The following ANKRD24 variants were observed in gnomAD, a reference collection of about 807,000 sequenced individuals.
ANKRD24 encodes the protein ankyrin repeat domain 24.
Under a neutral mutation model 127.8 loss-of-function variants are expected in ANKRD24, and 109 were observed. That is an observed-to-expected ratio of 0.85 (90% CI 0.73 to 1.00). The LOEUF (loss-of-function observed/expected upper bound fraction) is 1.00, where lower values mean the gene tolerates loss of function less well. Among genes scored for constraint, ANKRD24 ranks in the 50% least tolerant of loss-of-function variants. ANKRD24 has a pLI of 0.00. For synonymous variants in ANKRD24, 743 were observed against 671.1 expected (o/e 1.11, Z -1.66); for missense variants, 1,648 against 1,570.2 (o/e 1.05, Z -0.84).
chr19:4,202,968 G>T lies in ANKRD24; in HGVS notation c.466+42G>T, dbSNP rs574474370. The stretch of plus-strand genomic sequence containing the variant: ...CCTGCCCTGACCCCGAAGCCCAGAG[G>T]GTGCTAGACTTGGGGGTTATTCTGC... On this transcript the variant is annotated intron_variant, in intron 7 of 21. Coordinates refer to ENST00000318934, the MANE Select transcript of ANKRD24 (RefSeq NM_001393985.1). 6 of 1,506,628 alleles carry T rather than the reference G, an allele frequency of 4.0e-6. No homozygotes were observed. In the African/African-American group the frequency reaches 7.0e-5, roughly 18 times the overall value. The allele number at this position is 1,506,628 out of a possible 1,614,324, so 93.3% of individuals were successfully genotyped here.
In ANKRD24 at chr19:4,207,946, C is replaced by G; in HGVS notation, c.810C>G (p.Ala270=). The G allele has an allele frequency of 6.6e-7, 1 of 1,519,856 alleles. No individual in the cohort carries two copies. The highest frequency in any genetic ancestry group is 8.8e-7 in the Non-Finnish European group (1 of 1,136,496). The allele number at this position is 1,519,856 out of a possible 1,614,324, so 94.1% of individuals were successfully genotyped here. A position where few individuals can be genotyped will look rare whatever the true frequency, so the allele number is the denominator to read the frequency against. Reference sequence around the variant, plus strand: ...TCCTGCACCTTCTGCAAGAGGCGGCCCAGCGCCCCTCCCCACCCAGCGGTA... The same window carrying G: ...TCCTGCACCTTCTGCAAGAGGCGGCGCAGCGCCCCTCCCCACCCAGCGGTA... ...KLILHLLQEA[A]QRPSPPSALT... is the part of the protein sequence containing the mutation. The change falls in exon 10 of 22, where the codon GCC becomes GCG. Residue 270 remains alanine (A), a synonymous_variant. Coordinates refer to ENST00000318934, the MANE Select transcript of ANKRD24 (RefSeq NM_001393985.1).
chr19:4,214,168 ATTTC>A (rs780089924), intron 15 of ANKRD24, among the ~76,000 whole-genome samples: 6 of 145,908 alleles, frequency 4.1e-5, no homozygotes, highest in Non-Finnish European at 7.7e-5. Flanking sequence ...TGCAACAAAT[ATTTC>A]TTTTTTTTTT....
At position 4,207,983 on chromosome 19, in the gene ANKRD24, C is replaced by T. The variant is rs755823479; in HGVS notation, c.832+15C>T. The T allele has an allele frequency of 1.4e-6, 2 of 1,466,122 alleles. No individual in the cohort carries two copies. Among genetic ancestry groups the T allele is most frequent in the South Asian group, 1.5e-5 (1 of 67,278 alleles). 90.8% of individuals were successfully genotyped at this position (1,466,122 alleles called of 1,614,324 possible). A position where few individuals can be genotyped will look rare whatever the true frequency, so the allele number is the denominator to read the frequency against. Reference sequence around the variant, plus strand: ...CCCACCCAGCGGTATGCAAGCCCCACCTCCCCAATGCATTTGCTTCTTGGC... The same window carrying T: ...CCCACCCAGCGGTATGCAAGCCCCATCTCCCCAATGCATTTGCTTCTTGGC... On this transcript the variant is annotated intron_variant, in intron 10 of 21. Transcript: ENST00000318934.
At position 4,222,761 on chromosome 19, in the gene ANKRD24, G is replaced by A. The variant is rs920165871; in HGVS notation, c.3263G>A (p.Arg1088His). The part of the protein sequence containing the change: ...ALATPEVEAL[R>H]DQVKDLQQQL... The stretch of plus-strand genomic sequence containing the variant: ...GCCACCCCTGAGGTGGAGGCTCTCC[G>A]TGACCAGGTGAAGGATTTACAGCAG... The change falls in exon 20 of 22, where the codon CGT becomes CAT. Residue 1088 changes from arginine (R) to histidine (H), a missense_variant. Physicochemically the swap from Arg to His is conservative, Grantham distance 29. Transcript: ENST00000318934. 8.1e-6 allele frequency: 13 copies of A among 1,611,068 alleles called. No homozygotes were observed. The highest frequency in any genetic ancestry group is 1.3e-5 in the African/African-American group (1 of 74,868).
Position 4,210,386 on chromosome 19 carries a change from G to A in ANKRD24, c.1059+14G>A, listed in dbSNP as rs967987093. On this transcript the variant is annotated intron_variant, in intron 13 of 21. Coordinates refer to ENST00000318934, the MANE Select transcript of ANKRD24 (RefSeq NM_001393985.1). ...AGGCAGCAGGAGGTTAGGAGGCCTC[G>A]GAGATTTGGGCGTGGGCCAGCCTGG... 5 of 1,490,446 alleles carry A rather than the reference G, an allele frequency of 3.4e-6. No individual in the cohort carries two copies. In the South Asian group the frequency reaches 3.7e-5, roughly 11 times the overall value. The allele number at this position is 1,490,446 out of a possible 1,614,324, so 92.3% of individuals were successfully genotyped here. A position where few individuals can be genotyped will look rare whatever the true frequency, so the allele number is the denominator to read the frequency against.
intron 2 of ANKRD24, among the ~76,000 whole-genome samples, chr19:4,194,179 C>G (rs59650061): frequency 0.027 from 4,096 of 152,116 alleles, 197 homozygotes; most frequent in African/African-American, 0.095. Flanking sequence ...TTGTTTTGTT[C>G]CGAGATGGAG....
rs1968704945 is a variant in ANKRD24, at chr19:4,195,883, G to C, written c.37-3800G>C. ...CACTCCAGCCTGGGTGGAAGAGCAA[G>C]ACTCCGTCTCAAAAGAAAAAAAGTA... On this transcript the variant is annotated intron_variant, in intron 2 of 21. Transcript: ENST00000318934. This position sits in a 1 kb window ranked among gnomAD's most constrained non-coding sequence, Gnocchi z 4.2. Among the ~76,000 whole-genome samples, 1 of 152,222 alleles carries C rather than the reference G, an allele frequency of 6.6e-6. No individual in the cohort carries two copies. Among genetic ancestry groups the C allele is most frequent in the East Asian group, 1.9e-4 (1 of 5,200 alleles).
rs200496542 is a variant in ANKRD24 at position 4,216,642 on chromosome 19, C to A, written c.1482C>A (p.Ala494=). 6.2e-7 allele frequency: 1 copy of A among 1,606,810 alleles called. No homozygotes were observed. The highest frequency in any genetic ancestry group is 8.5e-7 in the Non-Finnish European group (1 of 1,176,814). The change falls in exon 18 of 22, where the codon GCC becomes GCA. Residue 494 remains alanine (A), a synonymous_variant. Transcript: ENST00000318934. Reference sequence around the variant, plus strand: ...TTGCCCTCTATGACTCTCTCCGGGCCGAGTTTGACCAGCTACGCAGGCAGC... The same window carrying A: ...TTGCCCTCTATGACTCTCTCCGGGCAGAGTTTGACCAGCTACGCAGGCAGC... ...IPLALYDSLR[A]EFDQLRRQHA... is the part of the protein sequence containing the mutation.
intron 7 of ANKRD24, among the ~76,000 whole-genome samples, chr19:4,203,765 GCCT>G (rs149816019): frequency 0.039 from 5,983 of 152,040 alleles, 301 homozygotes; most frequent in African/African-American, 0.12. Flanking sequence ...TCCTGCCTTA[GCCT>G]CCTGAGTAGC....
At chr19:4,210,172 G>A (rs1209369562) in intron 12 of ANKRD24, 34 bp downstream of exon 12, 1 of 1,583,818 alleles carries the variant, frequency 6.3e-7, no homozygotes, top group South Asian at 1.1e-5. Flanking sequence ...AGGAGGCATG[G>A]GGAGCCCCCA....
rs759823254 is a variant in ANKRD24 at position 4,224,136 on chromosome 19, A to G, written c.3307A>G (p.Arg1103Gly). ...TTCCTCATGCCCACAGGAAGCTGCC[A>G]GGGACCACTCCAGCGTGGTGGCTTT... ...DLQQQLQEAA[R>G]DHSSVVALYR... is the part of the protein sequence containing the mutation. The change falls in exon 21 of 22, where the codon AGG (arginine) becomes GGG (glycine). Residue 1103 changes from arginine (R) to glycine (G), a missense_variant. By Grantham distance (125) the Arg-to-Gly change is moderately radical. Transcript: ENST00000318934. 2.5e-6 allele frequency: 4 copies of G among 1,612,870 alleles called. No individual in the cohort carries two copies. The highest frequency in any genetic ancestry group is 3.4e-6 in the Non-Finnish European group (4 of 1,179,708).
chr19:4,197,365 G>GGAAT (rs59999057), intron 2 of ANKRD24, among the ~76,000 whole-genome samples: 4 of 151,324 alleles, frequency 2.6e-5, no homozygotes, highest in African/African-American at 7.3e-5. Flanking sequence ...AATGAGTGTG[G>GGAAT]GAATGAATGA....
chr19:4,217,789 G>A lies in ANKRD24; in HGVS notation c.2629G>A (p.Ala877Thr), dbSNP rs1970198606. ...QRTAAAELGR[A>T]RDAAEARVAE... ...CACGGCGGCCGCGGAACTGGGCCGG[G>A]CACGGGACGCCGCTGAGGCCCGAGT... The change falls in exon 18 of 22, where the codon GCA becomes ACA. Residue 877 changes from alanine (A) to threonine (T), a missense_variant. Ala to Thr is a moderately conservative substitution (Grantham distance 58, BLOSUM62 0). Transcript: ENST00000318934. The A allele has an allele frequency of 7.5e-7, 1 of 1,332,054 alleles. No individual in the cohort carries two copies. Among genetic ancestry groups the A allele is most frequent in the Non-Finnish European group, 9.6e-7 (1 of 1,045,808 alleles). The allele number at this position is 1,332,054 out of a possible 1,614,324, so 82.5% of individuals were successfully genotyped here.
In ANKRD24 at chr19:4,216,606, G is replaced by A. The variant is rs781276126; in HGVS notation, c.1446G>A (p.Glu482=). 1.6e-5 allele frequency: 26 copies of A among 1,611,724 alleles called. No individual in the cohort carries two copies. Among genetic ancestry groups the A allele is most frequent in the Non-Finnish European group, 2.2e-5 (26 of 1,179,070 alleles). The change falls in exon 18 of 22, where the codon GAG becomes GAA. Residue 482 remains glutamate (E), a synonymous_variant. Coordinates refer to ENST00000318934, the MANE Select transcript of ANKRD24 (RefSeq NM_001393985.1). ...ETQMEVEALA[E]VIPLALYDSL... ...AGATGGAAGTGGAAGCTTTGGCAGA[G>A]GTCATCCCTCTTGCCCTCTATGACT...
At position 4,195,262 on chromosome 19, in the gene ANKRD24, C is replaced by T. The variant is rs112497623; in HGVS notation, c.37-4421C>T. 0.052 allele frequency among the ~76,000 whole-genome samples: 7,852 copies of T among 151,824 alleles called. 328 individuals carry two copies. Among genetic ancestry groups the T allele is most frequent in the Admixed American group, 0.13 (1,980 of 15,218 alleles). On this transcript the variant is annotated intron_variant, in intron 2 of 21. Coordinates refer to ENST00000318934, the MANE Select transcript of ANKRD24 (RefSeq NM_001393985.1). The surrounding 1 kb of genome is among the most constrained non-coding windows in gnomAD (Gnocchi z 4.2). ...TAATTTTTTGTATTTTTAGTAGAGA[C>T]GGGGTTTTGCCACGTTGGTCAGGCT...
chr19:4,218,011 C>T lies in ANKRD24; in HGVS notation c.2851C>T (p.Arg951Cys), dbSNP rs1014732749. The T allele has an allele frequency of 1.9e-6, 3 of 1,545,060 alleles. No homozygotes were observed. Among genetic ancestry groups the T allele is most frequent in the African/African-American group, 1.4e-5 (1 of 71,262 alleles). ...VATGKEAARL[R>C]AELERERVCS... ...CACGGGCAAGGAGGCCGCCCGGCTGCGCGCGGAGCTGGAGCGGGAGCGTGT... is the reference window on the plus strand; with the variant it reads ...CACGGGCAAGGAGGCCGCCCGGCTGTGCGCGGAGCTGGAGCGGGAGCGTGT... Residue 951 changes from arginine (R) to cysteine (C), a missense_variant, in exon 18 of 22, where the codon CGC (arginine) becomes TGC (cysteine). Arg to Cys is a radical substitution (Grantham distance 180). Transcript: ENST00000318934.
At chr19:4,192,721 A>G (rs1968454590) in intron 2 of ANKRD24, among the ~76,000 whole-genome samples, 1 of 151,220 alleles carries the variant, frequency 6.6e-6, no homozygotes, top group Non-Finnish European at 1.5e-5. Flanking sequence ...ACTTAAGCCC[A>G]GGAGTTTGAG....
At chr19:4,203,776 A>G (rs1969229739) in intron 7 of ANKRD24, among the ~76,000 whole-genome samples, 1 of 151,868 alleles carries the variant, frequency 6.6e-6, no homozygotes, top group Non-Finnish European at 1.5e-5. Context: ...CCTCCTGAGT[A>G]GCTGGGACTA....
intron 15 of ANKRD24, among the ~76,000 whole-genome samples, chr19:4,215,036 C>A (rs911982749): frequency 2.6e-5 from 4 of 152,224 alleles, no homozygotes; most frequent in African/African-American, 9.6e-5. Context: ...CAGGTAACCA[C>A]AGCCTGCCCC....
Sources: gnomAD v4.1 joint callset for allele counts (sites outside exome capture counted in the v4.1 genomes callset) on GRCh38, gnomAD v4.1.1 for gene constraint, Gnocchi (gnomAD v3.1) non-coding constraint, MANE v1.5 for transcripts, NCBI Gene and HGNC (gene_info 2026-07-23, HGNC 2026-07-21) for gene names.